Variants in PARG observed in about 807,000 individuals in gnomAD.
The protein encoded by PARG is poly(ADP-ribose) glycohydrolase.
A neutral mutation model predicts 113.0 loss-of-function variants in PARG; 35 were observed. The ratio of observed to expected loss-of-function variants is 0.31; its 90% confidence interval spans 0.24 to 0.41. The LOEUF (loss-of-function observed/expected upper bound fraction) is 0.41, where lower values mean the gene tolerates loss of function less well. Among genes scored for constraint, PARG ranks in the 10% least tolerant of loss-of-function variants. The pLI is 1.00. For synonymous variants in PARG, 330 were observed against 409.9 expected (o/e 0.81, Z 2.36); for missense variants, 797 against 1,169.4 (o/e 0.68, Z 4.64).
At chr10:49,833,450 A>G (rs1324954919) in intron 15 of PARG, among the ~76,000 whole-genome samples, 1 of 152,234 alleles carries the variant, frequency 6.6e-6, no homozygotes, top group Non-Finnish European at 1.5e-5. Context: ...GCAAGCAACT[A>G]TCTATAGAAG....
In PARG at chr10:49,824,362, A is replaced by T. The variant is rs567079529; in HGVS notation, c.2648-4069T>A. 3.3e-4 allele frequency among the ~76,000 whole-genome samples: 50 copies of T among 152,350 alleles called. 1 individual carries two copies. The highest frequency in any genetic ancestry group is 9.9e-4 in the African/African-American group (41 of 41,578). ...GAACTCTCTTGCATCAAAAGTTAGA[A>T]GAGAATAAATCACAAGTCTATTAGA... On this transcript the variant is annotated intron_variant, in intron 16 of 17. Coordinates refer to ENST00000616448, the MANE Select transcript of PARG (RefSeq NM_003631.5).
intron 6 of PARG, among the ~76,000 whole-genome samples, chr10:49,918,746 A>C (rs1392110602): frequency 1.3e-5 from 2 of 152,194 alleles, no homozygotes; most frequent in African/African-American, 4.8e-5. Context: ...GCATTCTTTC[A>C]GCAAAGGAAA....
At chr10:49,829,916 ATTTC>A (rs1351981793) in intron 16 of PARG, among the ~76,000 whole-genome samples, 2 of 152,092 alleles carry the variant, frequency 1.3e-5, no homozygotes, top group Non-Finnish European at 2.9e-5. Flanking sequence ...ATGTACCATA[ATTTC>A]TTTTTTTTTT....
intron 12 of PARG, among the ~76,000 whole-genome samples, chr10:49,860,131 GGCA>G (rs1316007317): frequency 5.9e-5 from 9 of 152,196 alleles, no homozygotes; most frequent in African/African-American, 1.9e-4. Context: ...GCGGAGACAT[GGCA>G]TGGGTAGGGA....
intron 12 of PARG, among the ~76,000 whole-genome samples, chr10:49,860,672 T>C (rs1216251144): frequency 3.3e-5 from 5 of 152,080 alleles, no homozygotes; most frequent in Non-Finnish European, 7.4e-5. Flanking sequence ...GTAAATCTTA[T>C]AGTGAGCATT....
intron 13 of PARG, among the ~76,000 whole-genome samples, chr10:49,854,345 C>A (rs879978445): frequency 6.3e-4 from 96 of 152,226 alleles, no homozygotes; most frequent in Non-Finnish European, 1.3e-3. Flanking sequence ...AAGCGTAATT[C>A]TTTTGAGGGT....
intron 7 of PARG, among the ~76,000 whole-genome samples, chr10:49,894,344 C>T: frequency 6.6e-6 from 1 of 151,984 alleles, no homozygotes; most frequent in Non-Finnish European, 1.5e-5. Flanking sequence ...GCCTGGCATC[C>T]CTGTCTTTAG....
At chr10:49,836,181 T>G (rs1554831063) in intron 15 of PARG, among the ~76,000 whole-genome samples, 1 of 152,176 alleles carries the variant, frequency 6.6e-6, no homozygotes, top group African/African-American at 2.4e-5. Context: ...TGGAATAATT[T>G]AATAATTATT....
intron 12 of PARG, among the ~76,000 whole-genome samples, chr10:49,860,132 G>A (rs1285179916): frequency 6.6e-6 from 1 of 152,178 alleles, no homozygotes; most frequent in East Asian, 1.9e-4. Flanking sequence ...CGGAGACATG[G>A]CATGGGTAGG....
At position 49,893,993 on chromosome 10, in the gene PARG, C is replaced by T. The variant is rs188179655; in HGVS notation, c.1738-8698G>A. 3.5e-3 allele frequency among the ~76,000 whole-genome samples: 538 copies of T among 151,852 alleles called. 5 individuals carry two copies. The highest frequency in any genetic ancestry group is 6.3e-3 in the Non-Finnish European group (427 of 67,950). The stretch of plus-strand genomic sequence containing the variant: ...GATTACAAGTGTGAGCCACCATGCC[C>T]GGCCTAATTTTTGGATTTTTAATAG... On this transcript the variant is annotated intron_variant, in intron 7 of 17. Coordinates refer to ENST00000616448, the MANE Select transcript of PARG (RefSeq NM_003631.5).
Position 49,935,146 on chromosome 10 carries a change from T to C in PARG, c.218-4A>G, listed in dbSNP as rs1389026960. On this transcript the variant is annotated splice_region_variant and splice_polypyrimidine_tract_variant and intron_variant, in intron 1 of 17. Coordinates refer to ENST00000616448, the MANE Select transcript of PARG (RefSeq NM_003631.5). ...GTAATAGTCTTTTGTTTGAAAACTA[T>C]AAAAAAAAATGTATATTCATACATT... is the stretch of plus-strand genomic sequence containing the variant. The C allele has an allele frequency of 4.1e-6, 3 of 729,150 alleles. No homozygotes were observed. In the African/African-American group the frequency reaches 5.4e-5, roughly 13 times the overall value. The allele number at this position is 729,150 out of a possible 1,614,324, so 45.2% of individuals were successfully genotyped here. A position where few individuals can be genotyped will look rare whatever the true frequency, so the allele number is the denominator to read the frequency against.
chr10:49,849,964 G>A (rs1845684898), intron 13 of PARG, among the ~76,000 whole-genome samples: 1 of 152,196 alleles, frequency 6.6e-6, no homozygotes. Flanking sequence ...GTAACAGTGA[G>A]CTATGATTGT....
At chr10:49,888,551 T>G (rs1847610306) in intron 7 of PARG, among the ~76,000 whole-genome samples, 1 of 152,196 alleles carries the variant, frequency 6.6e-6, no homozygotes, top group African/African-American at 2.4e-5. Context: ...TGTCACTTCT[T>G]TCTGGTCTCC....
chr10:49,934,982 A>C, intron 2 of PARG, 94 bp downstream of exon 2: 1 of 651,814 alleles, frequency 1.5e-6, no homozygotes, highest in Non-Finnish European at 2.8e-6. Context: ...AAAGGAGAAC[A>C]GAAAAGCATG....
In PARG at chr10:49,920,489, TATATATATAC is replaced by T. The variant is rs1340261738; in HGVS notation, c.1662+1837_1662+1846del. ...ATATATATATATATATATATATATATATATATATACACACACACACACATATATATGTATA... is the reference window on the plus strand; with the variant it reads ...ATATATATATATATATATATATATATACACACACACACATATATATGTATA... On this transcript the variant is annotated intron_variant, in intron 6 of 17. Coordinates refer to ENST00000616448, the MANE Select transcript of PARG (RefSeq NM_003631.5). 1.6e-3 allele frequency among the ~76,000 whole-genome samples: 168 copies of T among 102,424 alleles called. 2 individuals carry two copies. The highest frequency in any genetic ancestry group is 2.5e-3 in the African/African-American group (69 of 27,772). 67.2% of individuals were successfully genotyped at this position (102,424 alleles called of 152,430 possible). A position where few individuals can be genotyped will look rare whatever the true frequency, so the allele number is the denominator to read the frequency against.
chr10:49,888,773 T>A (rs1227681891), intron 7 of PARG, among the ~76,000 whole-genome samples: 1 of 152,232 alleles, frequency 6.6e-6, no homozygotes, highest in African/African-American at 2.4e-5. Context: ...TGTCAAATTT[T>A]GGAAGTTTTC....
chr10:49,844,675 G>T (rs1162933507), intron 13 of PARG, among the ~76,000 whole-genome samples: 2 of 150,320 alleles, frequency 1.3e-5, no homozygotes, highest in Non-Finnish European at 3.0e-5. Context: ...ATGGAGACCT[G>T]GGAGGCGGAG....
Position 49,941,621 on chromosome 10 carries a change from C to T in PARG, c.105G>A (p.Gln35=). 6.3e-7 allele frequency: 1 copy of T among 1,591,976 alleles called. No homozygotes were observed. Among genetic ancestry groups the T allele is most frequent in the Non-Finnish European group, 8.5e-7 (1 of 1,170,446 alleles). Residue 35 remains glutamine, a synonymous_variant, in exon 1 of 18, where the codon CAG becomes CAA. Transcript: ENST00000616448. ...CGTCCTTGGGGTCGAGGACGCGCCT[C>T]TGCCTGCTGGGAAAGCTCCGGGCGT... ...ASDARSFPSR[Q]RRVLDPKDAH...
chr10:49,900,677 T>A (rs190696359), intron 7 of PARG, among the ~76,000 whole-genome samples: 699 of 152,288 alleles, frequency 4.6e-3, no homozygotes, highest in East Asian at 0.018. Flanking sequence ...CTCCAAAGAA[T>A]TTACTTCTCA....
Sources: allele counts gnomAD v4.1 joint callset (sites outside exome capture counted in the v4.1 genomes callset), GRCh38; gene constraint gnomAD v4.1.1; transcripts MANE v1.5; gene names NCBI Gene and HGNC (gene_info 2026-07-23, HGNC 2026-07-21).